Variants in SLC23A2 observed in about 807,000 individuals in gnomAD.
SLC23A2 encodes the protein solute carrier family 23 member 2.
In SLC23A2, 36 loss-of-function variants were observed where a neutral mutation model predicts 73.3. The observed-to-expected ratio is 0.49, with a 90% CI of 0.38 to 0.65. The LOEUF is 0.65. Among genes scored for constraint, SLC23A2 ranks in the 30% least tolerant of loss-of-function variants. The pLI is 0.00. For synonymous variants in SLC23A2, 343 were observed against 327.3 expected, an observed-to-expected ratio of 1.05 and a Z score of -0.52; for missense variants, 507 against 841.6, an observed-to-expected ratio of 0.60 and a Z score of 4.92.
At position 4,857,402 on chromosome 20, in the gene SLC23A2, C is replaced by T. The variant is rs1437097552; in HGVS notation, c.1721-198G>A. The stretch of plus-strand genomic sequence containing the variant: ...TACTTGAGGAGGTGAAGGTGCTCAG[C>T]TATCCAGTGCCCAAACCAGAAGTCT... On this transcript the variant is annotated intron_variant, in intron 16 of 16. Transcript: ENST00000338244. This position sits in a 1 kb window ranked among gnomAD's most constrained non-coding sequence, Gnocchi z 4.0. Among the ~76,000 whole-genome samples the T allele has an allele frequency of 1.3e-5, 2 of 151,660 alleles. No individual in the cohort carries two copies. The highest frequency in any genetic ancestry group is 2.9e-5 in the Non-Finnish European group (2 of 67,988).
chr20:4,913,722 G>A (rs898272123), intron 3 of SLC23A2, among the ~76,000 whole-genome samples: 29 of 152,024 alleles, frequency 1.9e-4, no homozygotes, highest in African/African-American at 7.0e-4. Context: ...CGCCTCCCAG[G>A]TTCAAGCGAT....
chr20:4,980,240 A>G (rs2087704905), intron 1 of SLC23A2, among the ~76,000 whole-genome samples: 1 of 152,196 alleles, frequency 6.6e-6, no homozygotes, highest in African/African-American at 2.4e-5. Context: ...CCAACAATTT[A>G]GTCTAAAGAA....
intron 11 of SLC23A2, among the ~76,000 whole-genome samples, chr20:4,873,215 A>C (rs548100613): frequency 1.3e-5 from 2 of 152,282 alleles, no homozygotes; most frequent in East Asian, 3.9e-4. Flanking sequence ...TGAAAATAAG[A>C]TGGTTACACA....
At chr20:4,859,644 G>C (rs1929879389) in intron 15 of SLC23A2, among the ~76,000 whole-genome samples, 1 of 152,156 alleles carries the variant, frequency 6.6e-6, no homozygotes, top group Admixed American at 6.5e-5. Flanking sequence ...ATCTAAGAGT[G>C]GTGTTCACCC....
At chr20:4,891,926 T>A (rs1257124148) in intron 6 of SLC23A2, among the ~76,000 whole-genome samples, 6 of 151,790 alleles carry the variant, frequency 4.0e-5, no homozygotes, top group Non-Finnish European at 7.4e-5. Context: ...AATTTTTTTT[T>A]ATGTTTTTGT....
intron 3 of SLC23A2, among the ~76,000 whole-genome samples, chr20:4,922,122 T>C (rs3787469): frequency 0.012 from 1,832 of 152,308 alleles, 58 homozygotes; most frequent in South Asian, 0.063. Flanking sequence ...TCTCTAATCA[T>C]TAAAACTAAG....
intron 2 of SLC23A2, among the ~76,000 whole-genome samples, chr20:4,961,783 A>T (rs1038325739): frequency 6.6e-6 from 1 of 152,202 alleles, no homozygotes; most frequent in African/African-American, 2.4e-5. Context: ...ATTGTCTTTT[A>T]TGAAAACACA....
intron 3 of SLC23A2, among the ~76,000 whole-genome samples, chr20:4,927,979 T>C (rs990789390): frequency 5.9e-5 from 9 of 152,196 alleles, no homozygotes; most frequent in Admixed American, 2.6e-4. Flanking sequence ...ACTTTAAAAG[T>C]TGACTTAGGG....
At chr20:4,874,514 T>G in intron 10 of SLC23A2, 62 bp downstream of exon 10, 1 of 1,508,174 alleles carries the variant, frequency 6.6e-7, no homozygotes. Flanking sequence ...TCCCTTCACT[T>G]AATCATCTTA....
chr20:4,955,908 C>T (rs979914160), intron 2 of SLC23A2, among the ~76,000 whole-genome samples: 27 of 151,148 alleles, frequency 1.8e-4, no homozygotes, highest in Non-Finnish European at 2.8e-4. Flanking sequence ...ATAGGGGTTA[C>T]GGGTGTTTCT....
rs1568600727 is a variant in SLC23A2 at position 4,863,240 on chromosome 20, TC to T, written c.1357-334del. Among the ~76,000 whole-genome samples the T allele has an allele frequency of 6.6e-6, 1 of 152,050 alleles. No homozygotes were observed. The highest frequency in any genetic ancestry group is 1.5e-5 in the Non-Finnish European group (1 of 68,010). ...GGCACCACATGTCACCAAGGCAATTTCCCCCAAAGTGCTTCAGCCTCAATGC... is the reference window on the plus strand; with the variant it reads ...GGCACCACATGTCACCAAGGCAATTTCCCCAAAGTGCTTCAGCCTCAATGC... On this transcript the variant is annotated intron_variant, in intron 13 of 16. Transcript: ENST00000338244. This position sits in a 1 kb window ranked among gnomAD's most constrained non-coding sequence, Gnocchi z 4.8.
chr20:4,887,469 T>C (rs1465176599), intron 6 of SLC23A2, among the ~76,000 whole-genome samples: 2 of 152,214 alleles, frequency 1.3e-5, no homozygotes, highest in African/African-American at 4.8e-5. Flanking sequence ...TCCTTAGGAA[T>C]GTGGCCATCA....
chr20:4,934,699 T>TA (rs60451081), intron 2 of SLC23A2, among the ~76,000 whole-genome samples: 14,525 of 151,534 alleles, frequency 0.096, 870 homozygotes, highest in African/African-American at 0.17. Flanking sequence ...CCGTCTCTAC[T>TA]AAAAAATACA....
Position 4,856,841 on chromosome 20 carries a change from C to G in SLC23A2, c.*131G>C, listed in dbSNP as rs998844794. The stretch of plus-strand genomic sequence containing the variant: ...TCACCCTCACAGCAGAAAAGTGATT[C>G]GCAGTCTGTCTTAGCTCTGGGGCGC... On this transcript the variant is annotated 3_prime_UTR_variant, in exon 17 of 17. Transcript: ENST00000338244. This position sits in a 1 kb window ranked among gnomAD's most constrained non-coding sequence, Gnocchi z 4.6. 1.1e-5 allele frequency: 7 copies of G among 651,552 alleles called. No homozygotes were observed. Among genetic ancestry groups the G allele is most frequent in the Non-Finnish European group, 1.9e-5 (7 of 370,416 alleles). The allele number at this position is 651,552 out of a possible 1,614,324, so 40.4% of individuals were successfully genotyped here. A position where few individuals can be genotyped will look rare whatever the true frequency, so the allele number is the denominator to read the frequency against.
upstream of SLC23A2, among the ~76,000 whole-genome samples, chr20:5,005,641 G>C (rs6053031): frequency 6.6e-6 from 1 of 152,102 alleles, no homozygotes; most frequent in South Asian, 2.1e-4. Flanking sequence ...AAATGTTTTA[G>C]GTTTTGTGGG....
At chr20:5,004,510 C>A (rs145449141), upstream of SLC23A2, among the ~76,000 whole-genome samples, 857 of 152,280 alleles carry the variant, frequency 5.6e-3, 12 homozygotes, top group African/African-American at 0.02. Flanking sequence ...AACTGATAAT[C>A]TCACACCTTT....
intron 6 of SLC23A2, 30 bp from the exon 7 acceptor site, chr20:4,885,939 A>G: frequency 6.7e-7 from 1 of 1,500,610 alleles, no homozygotes; most frequent in Non-Finnish European, 9.2e-7. Flanking sequence ...AACCATGATC[A>G]CGGCATCGGG....
chr20:4,967,969 G>A (rs1276179721), intron 2 of SLC23A2, among the ~76,000 whole-genome samples: 2 of 152,140 alleles, frequency 1.3e-5, no homozygotes, highest in Non-Finnish European at 2.9e-5. Context: ...TAGTAAGACC[G>A]TGATATTTTA....
intron 9 of SLC23A2, among the ~76,000 whole-genome samples, chr20:4,880,890 A>T (rs777464046): frequency 1.3e-5 from 2 of 152,206 alleles, no homozygotes; most frequent in Non-Finnish European, 2.9e-5. Context: ...ATGTTTCAAA[A>T]GGAGGGGAGA....
Sources: gnomAD v4.1 joint callset for allele counts (sites outside exome capture counted in the v4.1 genomes callset) on GRCh38, gnomAD v4.1.1 for gene constraint, Gnocchi (gnomAD v3.1) non-coding constraint, MANE v1.5 for transcripts, NCBI Gene and HGNC (gene_info 2026-07-23, HGNC 2026-07-21) for gene names.